ACSS3: variants seen among roughly 807,000 people sequenced by gnomAD.
ACSS3 encodes the protein acyl-CoA synthetase short chain family member 3.
Under a neutral mutation model 84.2 loss-of-function variants are expected in ACSS3, and 64 were observed. The ratio of observed to expected loss-of-function variants is 0.76; its 90% confidence interval spans 0.62 to 0.94. ACSS3 has a LOEUF of 0.94. ACSS3 is among the 40% of genes least tolerant of loss of function. The pLI is 0.00. For missense variants in ACSS3, 815 were observed against 867.6 expected, an observed-to-expected ratio of 0.94 and a Z score of 0.76; for synonymous variants, 317 against 310.1, an observed-to-expected ratio of 1.02 and a Z score of -0.23.
chr12:81,181,432 G>A (rs1475774811), intron 8 of ACSS3, among the ~76,000 whole-genome samples: 2 of 152,102 alleles, frequency 1.3e-5, no homozygotes, highest in Admixed American at 1.3e-4. Flanking sequence ...TGGAAGAGGA[G>A]ACTGTACCAG....
In ACSS3 at chr12:81,190,779, CAA is replaced by C. The variant is rs1209529022; in HGVS notation, c.1251-8560_1251-8559del. Among the ~76,000 whole-genome samples, 4 of 151,908 alleles carry C rather than the reference CAA, an allele frequency of 2.6e-5. No individual in the cohort carries two copies. In the East Asian group the frequency reaches 7.7e-4, roughly 29 times the overall value. ...GTTTGGAGAAAAGCTATCAAATTAACAAAGTTTCTATTTTTGGTGTTTGGGAT... is the reference window on the plus strand; with the variant it reads ...GTTTGGAGAAAAGCTATCAAATTAACAGTTTCTATTTTTGGTGTTTGGGAT... On this transcript the variant is annotated intron_variant, in intron 8 of 15. Coordinates refer to ENST00000548058, the MANE Select transcript of ACSS3 (RefSeq NM_024560.4).
At chr12:81,148,234 C>T (rs898498131) in intron 5 of ACSS3, among the ~76,000 whole-genome samples, 12 of 152,036 alleles carry the variant, frequency 7.9e-5, no homozygotes, top group African/African-American at 2.9e-4. Flanking sequence ...GGCTTCCCTC[C>T]TCTTCTACAA....
At chr12:81,236,660 G>T (rs964046031) in intron 13 of ACSS3, among the ~76,000 whole-genome samples, 1 of 151,178 alleles carries the variant, frequency 6.6e-6, no homozygotes. Flanking sequence ...CTGCCTACCA[G>T]TTTATTATTA....
chr12:81,242,076 C>T (rs1227110807), intron 13 of ACSS3, among the ~76,000 whole-genome samples: 1 of 152,044 alleles, frequency 6.6e-6, no homozygotes, highest in Non-Finnish European at 1.5e-5. Context: ...TTTCCCAGCA[C>T]CATTTATTAA....
intron 8 of ACSS3, among the ~76,000 whole-genome samples, chr12:81,198,531 T>C (rs1194395444): frequency 1.3e-5 from 2 of 150,900 alleles, no homozygotes; most frequent in Admixed American, 6.6e-5. Flanking sequence ...AATTAACTCT[T>C]TGAACACACA....
chr12:81,249,710 C>T (rs2034092697), intron 13 of ACSS3, among the ~76,000 whole-genome samples: 1 of 151,988 alleles, frequency 6.6e-6, no homozygotes, highest in African/African-American at 2.4e-5. Context: ...TGATGAGTAT[C>T]TGGAATCTCT....
intron 7 of ACSS3, among the ~76,000 whole-genome samples, chr12:81,173,933 C>T (rs7975789): frequency 0.092 from 10,456 of 113,280 alleles, 468 homozygotes; most frequent in African/African-American, 0.15. Context: ...CTTCCACAAA[C>T]GGATTTTGGA....
At chr12:81,128,948 A>T (rs867088406) in intron 2 of ACSS3, among the ~76,000 whole-genome samples, 3 of 152,214 alleles carry the variant, frequency 2.0e-5, no homozygotes, top group Admixed American at 6.5e-5. Context: ...ATTTAGATTT[A>T]CAAATTATAA....
chr12:81,174,626 T>G, intron 7 of ACSS3, 162 bp from the exon 8 acceptor site: 1 of 687,260 alleles, frequency 1.5e-6, no homozygotes, highest in Non-Finnish European at 2.2e-6. Context: ...GCCTGGGTAT[T>G]TGGTTTGCTT....
At chr12:81,222,795 G>A (rs544444314) in intron 11 of ACSS3, among the ~76,000 whole-genome samples, 1 of 152,030 alleles carries the variant, frequency 6.6e-6, no homozygotes, top group East Asian at 1.9e-4. Context: ...TAGGTCTTAA[G>A]ATATAATAAA....
chr12:81,078,444 T>C lies in ACSS3; in HGVS notation c.311+13T>C, dbSNP rs753041243. 12 of 1,611,326 alleles carry C rather than the reference T, an allele frequency of 7.4e-6. No individual in the cohort carries two copies. In the Admixed American group the frequency reaches 2.0e-4, roughly 27 times the overall value. ...CCTCTACCAGGTGGTGAGTGACTTCTGTGCCAACCCTGATCCCCCATCCCT... is the reference window on the plus strand; with the variant it reads ...CCTCTACCAGGTGGTGAGTGACTTCCGTGCCAACCCTGATCCCCCATCCCT... On this transcript the variant is annotated intron_variant, in intron 1 of 15. Coordinates refer to ENST00000548058, the MANE Select transcript of ACSS3 (RefSeq NM_024560.4).
chr12:81,098,151 A>AGAGTGTGT (rs369995298), intron 1 of ACSS3, among the ~76,000 whole-genome samples: 1,983 of 129,166 alleles, frequency 0.015, 41 homozygotes, highest in Admixed American at 0.058. Flanking sequence ...AGAGAGAGAG[A>AGAGTGTGT]GTGTGTGTGT....
intron 11 of ACSS3, among the ~76,000 whole-genome samples, chr12:81,228,918 A>G (rs2033361760): frequency 6.6e-6 from 1 of 151,780 alleles, no homozygotes; most frequent in Admixed American, 6.6e-5. Context: ...ATATTTTTTG[A>G]TATGCATAGC....
At chr12:81,130,255 G>A (rs1276332867) in intron 2 of ACSS3, among the ~76,000 whole-genome samples, 2 of 152,194 alleles carry the variant, frequency 1.3e-5, no homozygotes, top group African/African-American at 4.8e-5. Context: ...GTGTAAAAAT[G>A]TTCCTATTTC....
chr12:81,089,776 A>G (rs1250829625), intron 1 of ACSS3, among the ~76,000 whole-genome samples: 1 of 152,004 alleles, frequency 6.6e-6, no homozygotes, highest in Non-Finnish European at 1.5e-5. Flanking sequence ...CTAATTATGA[A>G]GAATTTGATT....
chr12:81,199,380 A>G lies in ACSS3; in HGVS notation c.1290A>G (p.Val430=), dbSNP rs2031994909. The G allele has an allele frequency of 6.2e-7, 1 of 1,613,722 alleles. No homozygotes were observed. The highest frequency in any genetic ancestry group is 1.3e-5 in the African/African-American group (1 of 75,024). The change falls in exon 9 of 16, where the codon GTA becomes GTG. Residue 430 remains valine, a synonymous_variant. Transcript: ENST00000548058. ...TTGTGGCTGGAGAACGATGTGATGTAGAGACCCTGGAATGGTCCAAAAATG... is the reference window on the plus strand; with the variant it reads ...TTGTGGCTGGAGAACGATGTGATGTGGAGACCCTGGAATGGTCCAAAAATG... ...TLFVAGERCD[V]ETLEWSKNVF... is the part of the protein sequence containing the mutation.
intron 9 of ACSS3, among the ~76,000 whole-genome samples, chr12:81,213,833 C>CTTCT (rs2032742826): frequency 1.0e-5 from 1 of 98,950 alleles, no homozygotes; most frequent in African/African-American, 3.7e-5. Flanking sequence ...CTTCTCTTCT[C>CTTCT]TTCTCTTCTC....
intron 12 of ACSS3, 96 bp from the exon 13 acceptor site, chr12:81,233,253 A>G (rs1361983410): frequency 7.2e-7 from 1 of 1,389,574 alleles, no homozygotes. Flanking sequence ...TTCACAGTAA[A>G]TCCATTTCTA....
intron 8 of ACSS3, among the ~76,000 whole-genome samples, chr12:81,188,178 A>G (rs1392719094): frequency 6.6e-6 from 1 of 152,002 alleles, no homozygotes; most frequent in Non-Finnish European, 1.5e-5. Flanking sequence ...TAAAATTTAA[A>G]GATGATATAT....
Sources: gnomAD v4.1 joint callset for allele counts (sites outside exome capture counted in the v4.1 genomes callset) on GRCh38, gnomAD v4.1.1 for gene constraint, MANE v1.5 for transcripts, NCBI Gene and HGNC (gene_info 2026-07-23, HGNC 2026-07-21) for gene names.